ANKRD63: variants seen among roughly 807,000 people sequenced by gnomAD.
ANKRD63 encodes the protein ankyrin repeat domain-containing protein 63.
A neutral mutation model predicts 21.2 loss-of-function variants in ANKRD63; 18 were observed. The observed-to-expected ratio is 0.85, with a 90% CI of 0.59 to 1.26. The LOEUF is 1.26. Among genes scored for constraint, ANKRD63 ranks in the 50% most tolerant of loss-of-function variants. The pLI, the probability that ANKRD63 is intolerant of heterozygous loss-of-function variation, is 0.00. For synonymous variants in ANKRD63, 322 were observed against 273.3 expected (o/e 1.18, Z -1.76); for missense variants, 523 against 570.9 (o/e 0.92, Z 0.85).
chr15:40,282,250 C>A lies in ANKRD63; in HGVS notation c.337G>T (p.Ala113Ser). Residue 113 changes from alanine to serine, a missense_variant, in exon 1 of 1, where the codon GCC (alanine) becomes TCC (serine). Ala to Ser is a moderately conservative substitution (Grantham distance 99). Coordinates refer to ENST00000434396, the MANE Select transcript of ANKRD63 (RefSeq NM_001190479.3). ...LVQFSGDPEAADSAGNSPVMW... is the reference protein window; with the variant it reads ...LVQFSGDPEASDSAGNSPVMW... ...ACCGGGCTGTTGCCCGCAGAGTCGG[C>A]CGCCTCGGGGTCACCGCTGAACTGC... 1 of 1,519,034 alleles carries A rather than the reference C, an allele frequency of 6.6e-7. No individual in the cohort carries two copies. The highest frequency in any genetic ancestry group is 8.8e-7 in the Non-Finnish European group (1 of 1,140,646). 94.1% of individuals were successfully genotyped at this position (1,519,034 alleles called of 1,614,324 possible). A position where few individuals can be genotyped will look rare whatever the true frequency, so the allele number is the denominator to read the frequency against.
In ANKRD63 at chr15:40,282,326, T is replaced by G. The variant is rs916935303; in HGVS notation, c.261A>C (p.Ala87=). The G allele has an allele frequency of 2.6e-6, 4 of 1,516,082 alleles. No individual in the cohort carries two copies. In the Admixed American group the frequency reaches 8.2e-5, roughly 31 times the overall value. The allele number at this position is 1,516,082 out of a possible 1,614,324, so 93.9% of individuals were successfully genotyped here. Residue 87 remains alanine, a synonymous_variant, in exon 1 of 1, where the codon GCA becomes GCC. Transcript: ENST00000434396. ...GGCCTCGCTCGCACGCCAGGCTGAG[T>G]GCGGTGCGGCCGCGCTCGTCTCGCA... ...VNLRDERGRT[A]LSLACERGHL...
At position 40,280,744 on chromosome 15, in the gene ANKRD63, C is replaced by T. The variant is rs768065149; in HGVS notation, c.*700G>A. On this transcript the variant is annotated 3_prime_UTR_variant, in exon 1 of 1. Transcript: ENST00000434396. The stretch of plus-strand genomic sequence containing the variant: ...CAGTGACTCCACATTATCAATGAAG[C>T]TGAATCCTGGGGCAGAGAGAGAGGG... Among the ~76,000 whole-genome samples, 59 of 152,228 alleles carry T rather than the reference C, an allele frequency of 3.9e-4. 2 individuals carry two copies. The highest frequency in any genetic ancestry group is 4.6e-4 in the Non-Finnish European group (31 of 68,048).
chr15:40,282,403 G>T lies in ANKRD63; in HGVS notation c.184C>A (p.Leu62Met). 7 of 1,502,736 alleles carry T rather than the reference G, an allele frequency of 4.7e-6. No individual in the cohort carries two copies. The highest frequency in any genetic ancestry group is 6.2e-6 in the Non-Finnish European group (7 of 1,134,790). The allele number at this position is 1,502,736 out of a possible 1,614,324, so 93.1% of individuals were successfully genotyped here. The change falls in exon 1 of 1, where the codon CTG (leucine) becomes ATG (methionine). Residue 62 changes from leucine to methionine, a missense_variant. Leu to Met is a conservative substitution (Grantham distance 15, BLOSUM62 2). This residue lies in a region of ANKRD63 where 215 missense variants were observed against 280.4 expected (regional missense o/e 0.77). Transcript: ENST00000434396. ...MVAVGLPDPA[L>M]RARFVRLLLE... Reference sequence around the variant, plus strand: ...AGCAGCCGCACGAAGCGCGCGCGCAGCGCGGGGTCCGGCAGCCCCACGGCC... The same window carrying T: ...AGCAGCCGCACGAAGCGCGCGCGCATCGCGGGGTCCGGCAGCCCCACGGCC...
In ANKRD63 at chr15:40,280,468, C is replaced by G. The variant is rs1170497756; in HGVS notation, c.*976G>C. On this transcript the variant is annotated 3_prime_UTR_variant, in exon 1 of 1. Coordinates refer to ENST00000434396, the MANE Select transcript of ANKRD63 (RefSeq NM_001190479.3). ...AGTTCTTTGAGGATTGGAAGAAATACAATTAAGCACAGCCTTCGCAACCGT... is the reference window on the plus strand; with the variant it reads ...AGTTCTTTGAGGATTGGAAGAAATAGAATTAAGCACAGCCTTCGCAACCGT... Among the ~76,000 whole-genome samples, 1 of 152,264 alleles carries G rather than the reference C, an allele frequency of 6.6e-6. No individual in the cohort carries two copies. The highest frequency in any genetic ancestry group is 2.1e-4 in the South Asian group (1 of 4,836).
Position 40,282,335 on chromosome 15 carries a change from G to T in ANKRD63, c.252C>A (p.Gly84=). 6.6e-7 allele frequency: 1 copy of T among 1,512,544 alleles called. No homozygotes were observed. The highest frequency in any genetic ancestry group is 8.8e-7 in the Non-Finnish European group (1 of 1,138,728). The allele number at this position is 1,512,544 out of a possible 1,614,324, so 93.7% of individuals were successfully genotyped here. Residue 84 remains glycine, a synonymous_variant, in exon 1 of 1, where the codon GGC becomes GGA. Coordinates refer to ENST00000434396, the MANE Select transcript of ANKRD63 (RefSeq NM_001190479.3). ...GAAVNLRDER[G]RTALSLACER... ...CGCACGCCAGGCTGAGTGCGGTGCG[G>T]CCGCGCTCGTCTCGCAGGTTCACTG...
In ANKRD63 at chr15:40,278,501, G is replaced by A. The variant is rs759550800; in HGVS notation, c.*2943C>T. 8.5e-5 allele frequency among the ~76,000 whole-genome samples: 13 copies of A among 152,190 alleles called. No individual in the cohort carries two copies. The highest frequency in any genetic ancestry group is 1.6e-4 in the Non-Finnish European group (11 of 68,032). On this transcript the variant is annotated 3_prime_UTR_variant, in exon 1 of 1. Coordinates refer to ENST00000434396, the MANE Select transcript of ANKRD63 (RefSeq NM_001190479.3). ...CACACACACCACTTCTGATCTTAGG[G>A]TACCAAGTGCCAGCATCCTGGGTGA...
rs555401318 is a variant in ANKRD63, at chr15:40,281,993, C to T, written c.594G>A (p.Pro198=). ...GATGCTCGGGGCTGGCCGCGGGGGC[C>T]GGGCGGCCAGGGGGACTATCGGAGT... ...GSNSDSPPGR[P]APAASPEHRR... The change falls in exon 1 of 1, where the codon CCG becomes CCA. Residue 198 remains proline, a synonymous_variant. Transcript: ENST00000434396. 1,091 of 1,216,272 alleles carry T rather than the reference C, an allele frequency of 9.0e-4. 10 individuals are homozygous for T. In the African/African-American group the frequency reaches 0.016, roughly 18 times the overall value. The allele number at this position is 1,216,272 out of a possible 1,614,324, so 75.3% of individuals were successfully genotyped here.
At position 40,280,769 on chromosome 15, in the gene ANKRD63, G is replaced by A. The variant is rs1289105061; in HGVS notation, c.*675C>T. On this transcript the variant is annotated 3_prime_UTR_variant, in exon 1 of 1. Transcript: ENST00000434396. ...CTGAATCCTGGGGCAGAGAGAGAGGGAGCTGGAGTTACCCAGGAGCTGATT... is the reference window on the plus strand; with the variant it reads ...CTGAATCCTGGGGCAGAGAGAGAGGAAGCTGGAGTTACCCAGGAGCTGATT... Among the ~76,000 whole-genome samples the A allele has an allele frequency of 6.6e-6, 1 of 152,238 alleles. No homozygotes were observed. The highest frequency in any genetic ancestry group is 2.4e-5 in the African/African-American group (1 of 41,464).
Position 40,282,319 on chromosome 15 carries a change from G to A in ANKRD63, c.268C>T (p.Leu90=), listed in dbSNP as rs1305615029. The A allele has an allele frequency of 2.0e-6, 3 of 1,517,378 alleles. No homozygotes were observed. The highest frequency in any genetic ancestry group is 2.9e-5 in the African/African-American group (2 of 69,978). 94.0% of individuals were successfully genotyped at this position (1,517,378 alleles called of 1,614,324 possible). Residue 90 remains leucine (L), a synonymous_variant, in exon 1 of 1, where the codon CTG becomes TTG. Transcript: ENST00000434396. ...RDERGRTALS[L]ACERGHLDAV... ...TCCAGGTGGCCTCGCTCGCACGCCA[G>A]GCTGAGTGCGGTGCGGCCGCGCTCG...
chr15:40,280,593 C>T lies in ANKRD63; in HGVS notation c.*851G>A, dbSNP rs1288188965. Among the ~76,000 whole-genome samples, 2 of 152,268 alleles carry T rather than the reference C, an allele frequency of 1.3e-5. No homozygotes were observed. The highest frequency in any genetic ancestry group is 2.4e-5 in the African/African-American group (1 of 41,478). On this transcript the variant is annotated 3_prime_UTR_variant, in exon 1 of 1. Transcript: ENST00000434396. ...TCCATTTCAGGCCTCTGTGACCCAG[C>T]GGAAATAGGGCTTGGGCCTCCAGGG...
rs2039540126 is a variant in ANKRD63, at chr15:40,281,412, T to G, written c.*32A>C. 7.4e-7 allele frequency: 1 copy of G among 1,345,114 alleles called. No individual in the cohort carries two copies. The highest frequency in any genetic ancestry group is 9.5e-7 in the Non-Finnish European group (1 of 1,050,596). The allele number at this position is 1,345,114 out of a possible 1,614,324, so 83.3% of individuals were successfully genotyped here. A position where few individuals can be genotyped will look rare whatever the true frequency, so the allele number is the denominator to read the frequency against. On this transcript the variant is annotated 3_prime_UTR_variant, in exon 1 of 1. Transcript: ENST00000434396. ...TACCAGTGGAGTAGAAACGGGAGGGTAGGGGAAGCAGGCCTCGGGCCTTGG... is the reference window on the plus strand; with the variant it reads ...TACCAGTGGAGTAGAAACGGGAGGGGAGGGGAAGCAGGCCTCGGGCCTTGG...
Position 40,282,533 on chromosome 15 carries a change from C to G in ANKRD63, c.54G>C (p.Glu18Asp). Residue 18 changes from glutamate to aspartate, a missense_variant, in exon 1 of 1, where the codon GAG becomes GAC. Glu to Asp is a conservative substitution (Grantham distance 45, BLOSUM62 2). Transcript: ENST00000434396. ...AGTGCACTTTGCCCGCCTGCATGGC[C>G]TCCAGGAAGGTGCGCGTCCCCGCTC... ...CPRAGTRTFL[E>D]AMQAGKVHLA... 1 of 1,493,828 alleles carries G rather than the reference C, an allele frequency of 6.7e-7. No homozygotes were observed. Among genetic ancestry groups the G allele is most frequent in the Non-Finnish European group, 8.8e-7 (1 of 1,130,532 alleles). 92.5% of individuals were successfully genotyped at this position (1,493,828 alleles called of 1,614,324 possible). A position where few individuals can be genotyped will look rare whatever the true frequency, so the allele number is the denominator to read the frequency against.
At position 40,282,061 on chromosome 15, in the gene ANKRD63, G is replaced by A; in HGVS notation, c.526C>T (p.Pro176Ser). The A allele has an allele frequency of 8.0e-7, 1 of 1,250,518 alleles. No homozygotes were observed. Among genetic ancestry groups the A allele is most frequent in the Non-Finnish European group, 1.0e-6 (1 of 1,000,358 alleles). 77.5% of individuals were successfully genotyped at this position (1,250,518 alleles called of 1,614,324 possible). Residue 176 changes from proline to serine, a missense_variant, in exon 1 of 1, where the codon CCC becomes TCC. By Grantham distance (74) the Pro-to-Ser change is moderately conservative (BLOSUM62 -1). Coordinates refer to ENST00000434396, the MANE Select transcript of ANKRD63 (RefSeq NM_001190479.3). Reference protein sequence around the residue: ...HGTCVQALTGPWGRAAAAAAA... With the variant: ...HGTCVQALTGSWGRAAAAAAA... ...GCGGCGGCGGCGGCGCGGCCCCAGG[G>A]CCCGGTGAGGGCCTGCACACAGGTC...
rs577895955 is a variant in ANKRD63 at position 40,282,566 on chromosome 15, C to G, written c.21G>C (p.Leu7=). 6.8e-7 allele frequency: 1 copy of G among 1,462,560 alleles called. No homozygotes were observed. The highest frequency in any genetic ancestry group is 9.0e-7 in the Non-Finnish European group (1 of 1,112,970). The allele number at this position is 1,462,560 out of a possible 1,614,324, so 90.6% of individuals were successfully genotyped here. A position where few individuals can be genotyped will look rare whatever the true frequency, so the allele number is the denominator to read the frequency against. ...AGGTGCGCGTCCCCGCTCGGGGGCA[C>G]AGGTCCTTGGGTTTGAGCATGGCCC... The part of the protein sequence containing the change: MLKPKD[L]CPRAGTRTFL... The change falls in exon 1 of 1, where the codon CTG becomes CTC. Residue 7 remains leucine (L), a synonymous_variant. Coordinates refer to ENST00000434396, the MANE Select transcript of ANKRD63 (RefSeq NM_001190479.3).
At position 40,280,231 on chromosome 15, in the gene ANKRD63, C is replaced by G. The variant is rs1034519504; in HGVS notation, c.*1213G>C. The stretch of plus-strand genomic sequence containing the variant: ...AGAAGCAGGAGCCGTTTAACAGGCT[C>G]CTTCCAGCTCTCGCCAGAGTTTGAT... On this transcript the variant is annotated 3_prime_UTR_variant, in exon 1 of 1. Coordinates refer to ENST00000434396, the MANE Select transcript of ANKRD63 (RefSeq NM_001190479.3). Among the ~76,000 whole-genome samples, 70 of 152,380 alleles carry G rather than the reference C, an allele frequency of 4.6e-4. No homozygotes were observed. Among genetic ancestry groups the G allele is most frequent in the African/African-American group, 1.7e-3 (69 of 41,590 alleles).
In ANKRD63 at chr15:40,282,522, G is replaced by A; in HGVS notation, c.65C>T (p.Ala22Val). Residue 22 changes from alanine to valine, a missense_variant, in exon 1 of 1, where the codon GCG becomes GTG. Transcript: ENST00000434396. ...GAAGCGGGCCAAGTGCACTTTGCCCGCCTGCATGGCCTCCAGGAAGGTGCG... is the reference window on the plus strand; with the variant it reads ...GAAGCGGGCCAAGTGCACTTTGCCCACCTGCATGGCCTCCAGGAAGGTGCG... ...GTRTFLEAMQ[A>V]GKVHLARFVL... 1 of 1,502,578 alleles carries A rather than the reference G, an allele frequency of 6.7e-7. No homozygotes were observed. The highest frequency in any genetic ancestry group is 8.8e-7 in the Non-Finnish European group (1 of 1,134,348). The allele number at this position is 1,502,578 out of a possible 1,614,324, so 93.1% of individuals were successfully genotyped here.
At position 40,282,834 on chromosome 15, in the gene ANKRD63, T is replaced by C. The variant is rs1214475229; in HGVS notation, c.-248A>G. ...GGGCCTCCCGCCTGGAGGTGTTGATTGCTCGCTACTCCGGGCTCCGCTCCT... is the reference window on the plus strand; with the variant it reads ...GGGCCTCCCGCCTGGAGGTGTTGATCGCTCGCTACTCCGGGCTCCGCTCCT... On this transcript the variant is annotated 5_prime_UTR_variant, in exon 1 of 1. Coordinates refer to ENST00000434396, the MANE Select transcript of ANKRD63 (RefSeq NM_001190479.3). Among the ~76,000 whole-genome samples the C allele has an allele frequency of 6.6e-6, 1 of 152,108 alleles. No homozygotes were observed. Among genetic ancestry groups the C allele is most frequent in the Non-Finnish European group, 1.5e-5 (1 of 67,990 alleles).
In ANKRD63 at chr15:40,280,524, C is replaced by CG. The variant is rs1229300884; in HGVS notation, c.*919dup. On this transcript the variant is annotated 3_prime_UTR_variant, in exon 1 of 1. Coordinates refer to ENST00000434396, the MANE Select transcript of ANKRD63 (RefSeq NM_001190479.3). Reference sequence around the variant, plus strand: ...CCCGCGGGAGCACCCACGTGCGGGACGGGGGAGCTGGGAGGCGTGGAGGCG... The same window carrying CG: ...CCCGCGGGAGCACCCACGTGCGGGACGGGGGGAGCTGGGAGGCGTGGAGGCG... Among the ~76,000 whole-genome samples the CG allele has an allele frequency of 6.6e-6, 1 of 152,260 alleles. No homozygotes were observed. The highest frequency in any genetic ancestry group is 1.5e-5 in the Non-Finnish European group (1 of 68,038).
chr15:40,280,603 G>A lies in ANKRD63; in HGVS notation c.*841C>T, dbSNP rs2141003186. Among the ~76,000 whole-genome samples the A allele has an allele frequency of 6.6e-6, 1 of 152,404 alleles. No homozygotes were observed. The highest frequency in any genetic ancestry group is 1.9e-4 in the East Asian group (1 of 5,188). On this transcript the variant is annotated 3_prime_UTR_variant, in exon 1 of 1. Coordinates refer to ENST00000434396, the MANE Select transcript of ANKRD63 (RefSeq NM_001190479.3). ...GCCTCTGTGACCCAGCGGAAATAGG[G>A]CTTGGGCCTCCAGGGGTGAGGTGTT...
Sources: allele counts gnomAD v4.1 joint callset (sites outside exome capture counted in the v4.1 genomes callset), GRCh38; gene constraint gnomAD v4.1.1; regional missense constraint gnomAD v4.1.1; transcripts MANE v1.5; gene names NCBI Gene and HGNC (gene_info 2026-07-23, HGNC 2026-07-21).